Variants in ZNF510 observed in about 807,000 individuals in gnomAD.
ZNF510 encodes the protein zinc finger protein 510.
Under a neutral mutation model 18.1 loss-of-function variants are expected in ZNF510, and 15 were observed. The observed-to-expected ratio is 0.83, with a 90% CI of 0.55 to 1.28. The LOEUF is 1.28. Ranked by LOEUF, ZNF510 falls within the 50% of genes most tolerant of loss-of-function variation. The pLI is 0.00. For missense variants in ZNF510, 724 were observed against 791.8 expected, an observed-to-expected ratio of 0.91 and a Z score of 1.03; for synonymous variants, 261 against 266.4, an observed-to-expected ratio of 0.98 and a Z score of 0.20.
At chr9:96,774,950 G>C in intron 2 of ZNF510, 104 bp from the exon 3 acceptor site, 1 of 927,342 alleles carries the variant, frequency 1.1e-6, no homozygotes, top group Non-Finnish European at 1.7e-6. Flanking sequence ...TACAAAAAAT[G>C]TTCCTTTGAC....
chr9:96,763,540 C>T lies in ZNF510; in HGVS notation c.222G>A (p.Val74=). 1 of 1,611,464 alleles carries T rather than the reference C, an allele frequency of 6.2e-7. No homozygotes were observed. The highest frequency in any genetic ancestry group is 8.5e-7 in the Non-Finnish European group (1 of 1,179,190). ...APVQKNLYRD[V]MLENYSNLVS... ...CGAGGTTGCTGTAGTTCTCCAGCATCACATCTCTGTACAGATTCTTCTGAA... is the reference window on the plus strand; with the variant it reads ...CGAGGTTGCTGTAGTTCTCCAGCATTACATCTCTGTACAGATTCTTCTGAA... The change falls in exon 4 of 6, where the codon GTG becomes GTA. Residue 74 remains valine (V), a synonymous_variant. Coordinates refer to ENST00000223428, the MANE Select transcript of ZNF510 (RefSeq NM_014930.3).
At position 96,757,873 on chromosome 9, in the gene ZNF510, GTGATC is replaced by G; in HGVS notation, c.*900_*904del. ...TACAAGCACTGTCATACCCTGACAG[GTGATC>G]TGATAACTAAAATGTCAAGTAAGTG... On this transcript the variant is annotated 3_prime_UTR_variant, in exon 6 of 6. Coordinates refer to ENST00000223428, the MANE Select transcript of ZNF510 (RefSeq NM_014930.3). 6.7e-6 allele frequency: 1 copy of G among 150,042 alleles called. No homozygotes were observed. The allele number at this position is 150,042 out of a possible 1,614,324, so 9.3% of individuals were successfully genotyped here.
At chr9:96,774,954 C>A in intron 2 of ZNF510, 108 bp from the exon 3 acceptor site, 1 of 835,750 alleles carries the variant, frequency 1.2e-6, no homozygotes, top group Non-Finnish European at 1.9e-6. Context: ...AAAAATGTTC[C>A]TTTGACCTTT....
chr9:96,768,101 A>G (rs1849512525), intron 3 of ZNF510, among the ~76,000 whole-genome samples: 1 of 152,194 alleles, frequency 6.6e-6, no homozygotes, highest in African/African-American at 2.4e-5. Flanking sequence ...CAATAATAAA[A>G]TGAAGAAAAC....
chr9:96,759,494 G>A lies in ZNF510; in HGVS notation c.1336C>T (p.His446Tyr). The change falls in exon 6 of 6, where the codon CAC (histidine) becomes TAC (tyrosine). Residue 446 changes from histidine (H) to tyrosine (Y), a missense_variant. Physicochemically the swap from His to Tyr is moderately conservative, Grantham distance 83 (BLOSUM62 2). Coordinates refer to ENST00000223428, the MANE Select transcript of ZNF510 (RefSeq NM_014930.3). The part of the protein sequence containing the change: ...ECGKTFSQKS[H>Y]LSTHQRIHTA... ...TGAATTCTCTGATGAGTACTGAGGT[G>A]TGACTTCTGGGAGAAAGTTTTTCCA... The A allele has an allele frequency of 2.5e-6, 4 of 1,613,840 alleles. 1 individual carries two copies. In the South Asian group the frequency reaches 3.3e-5, roughly 13 times the overall value.
At chr9:96,762,911 C>A in intron 5 of ZNF510, 1 of 459,648 alleles carries the variant, frequency 2.2e-6, no homozygotes, top group Non-Finnish European at 4.0e-6. Flanking sequence ...TGGTTGGTGG[C>A]TTGTCTTTTC....
At chr9:96,765,042 G>A (rs1849438624) in intron 3 of ZNF510, among the ~76,000 whole-genome samples, 1 of 152,126 alleles carries the variant, frequency 6.6e-6, no homozygotes, top group African/African-American at 2.4e-5. Context: ...GGACCTGGGA[G>A]GCGGAGGTTG....
At chr9:96,776,280 C>G (rs1162031724) in intron 1 of ZNF510, 35 bp from the exon 2 acceptor site, 3 of 925,964 alleles carry the variant, frequency 3.2e-6, no homozygotes, top group Non-Finnish European at 4.5e-6. Context: ...TCCAGAGAAG[C>G]TGGGGCTGAT....
In ZNF510 at chr9:96,774,854, T is replaced by C; in HGVS notation, c.71-8A>G. ...AGAACCGTAAAGGATAACCTGGGGG[T>C]GAGGAAGGAGTCATGAGAGATCTGG... On this transcript the variant is annotated splice_region_variant and splice_polypyrimidine_tract_variant and intron_variant, in intron 2 of 5. Coordinates refer to ENST00000223428, the MANE Select transcript of ZNF510 (RefSeq NM_014930.3). 1 of 1,613,018 alleles carries C rather than the reference T, an allele frequency of 6.2e-7. No individual in the cohort carries two copies.
At chr9:96,765,515 TTTTC>T (rs983185556) in intron 3 of ZNF510, among the ~76,000 whole-genome samples, 3 of 151,596 alleles carry the variant, frequency 2.0e-5, no homozygotes, top group East Asian at 1.9e-4. Flanking sequence ...TGATTTCACT[TTTTC>T]TTTTTTTTTT....
chr9:96,762,667 G>C (rs141209917), intron 5 of ZNF510, among the ~76,000 whole-genome samples: 1 of 152,202 alleles, frequency 6.6e-6, no homozygotes, highest in East Asian at 1.9e-4. Flanking sequence ...CTTCATATCT[G>C]TTATTTCACC....
At position 96,764,172 on chromosome 9, in the gene ZNF510, A is replaced by ACTTTT. The variant is rs146783770; in HGVS notation, c.130-545_130-541dup. On this transcript the variant is annotated intron_variant, in intron 3 of 5. Coordinates refer to ENST00000223428, the MANE Select transcript of ZNF510 (RefSeq NM_014930.3). ...TACTATAAATAGATACATTACTAAA[A>ACTTTT]CTTTTTTTTTATTCTTATTTTTGTA... Among the ~76,000 whole-genome samples the ACTTTT allele has an allele frequency of 9.3e-3, 1,391 of 149,860 alleles. 46 individuals are homozygous for ACTTTT. The East Asian group carries it at 0.1, about 11-fold the overall frequency.
chr9:96,777,359 G>GTGTT (rs1318099205), intron 1 of ZNF510, among the ~76,000 whole-genome samples: 4 of 152,190 alleles, frequency 2.6e-5, no homozygotes, highest in African/African-American at 9.6e-5. Flanking sequence ...GGGGAGTAAA[G>GTGTT]TGTTTATGTA....
chr9:96,757,727 T>C lies in ZNF510; in HGVS notation c.*1051A>G, dbSNP rs1000117587. The C allele has an allele frequency of 6.6e-6, 1 of 152,150 alleles. No individual in the cohort carries two copies. Among genetic ancestry groups the C allele is most frequent in the African/African-American group, 2.4e-5 (1 of 41,422 alleles). 9.4% of individuals were successfully genotyped at this position (152,150 alleles called of 1,614,324 possible). A position where few individuals can be genotyped will look rare whatever the true frequency, so the allele number is the denominator to read the frequency against. On this transcript the variant is annotated 3_prime_UTR_variant, in exon 6 of 6. Coordinates refer to ENST00000223428, the MANE Select transcript of ZNF510 (RefSeq NM_014930.3). ...CTACATATACACATGCCTATGATAG[T>C]TTAATCTCTTGCTGTGCCTAATTTA... is the stretch of plus-strand genomic sequence containing the variant.
chr9:96,762,644 A>G (rs1020382108), intron 5 of ZNF510, among the ~76,000 whole-genome samples: 1 of 152,212 alleles, frequency 6.6e-6, no homozygotes, highest in Non-Finnish European at 1.5e-5. Context: ...GCATTGCCAT[A>G]TTTGTAAACT....
chr9:96,775,860 C>G, intron 2 of ZNF510, 140 bp downstream of exon 2: 1 of 1,021,128 alleles, frequency 9.8e-7, no homozygotes. Flanking sequence ...AAAATGGGGG[C>G]TCTATGAGGA....
Position 96,760,276 on chromosome 9 carries a change from C to T in ZNF510, c.554G>A (p.Ser185Asn). 1 of 1,613,156 alleles carries T rather than the reference C, an allele frequency of 6.2e-7. No individual in the cohort carries two copies. Among genetic ancestry groups the T allele is most frequent in the Non-Finnish European group, 8.5e-7 (1 of 1,179,468 alleles). Residue 185 changes from serine to asparagine, a missense_variant, in exon 6 of 6, where the codon AGT becomes AAT. Physicochemically the swap from Ser to Asn is conservative, Grantham distance 46. Transcript: ENST00000223428. ...ATTATTAATGATAAATTCAGAAATA[C>T]TTTGCAAATTCACTTCCCATGAGTT... ...KCNSWEVNLQSISEFIINNRN... is the reference protein window; with the variant it reads ...KCNSWEVNLQNISEFIINNRN...
At position 96,758,799 on chromosome 9, in the gene ZNF510, C is replaced by A; in HGVS notation, c.2031G>T (p.Gln677His). The A allele has an allele frequency of 1.3e-6, 2 of 1,587,846 alleles. No individual in the cohort carries two copies. Among genetic ancestry groups the A allele is most frequent in the East Asian group, 2.2e-5 (1 of 44,522 alleles). Residue 677 changes from glutamine (Q) to histidine (H), a missense_variant, in exon 6 of 6, where the codon CAG becomes CAT. Gln to His is a conservative substitution (Grantham distance 24). Transcript: ENST00000223428. The stretch of plus-strand genomic sequence containing the variant: ...TACATCAATAGGGATTCCCCTCTCC[C>A]TGAATTTTCTGGTATAAGCTTAGGG... ...KSTLSLYQKI[Q>H]GEGNPY
chr9:96,770,201 C>T (rs1450832950), intron 3 of ZNF510, among the ~76,000 whole-genome samples: 1 of 152,070 alleles, frequency 6.6e-6, no homozygotes, highest in African/African-American at 2.4e-5. Flanking sequence ...TGTGGTATAT[C>T]CACACAATGG....
Sources: gnomAD v4.1 joint callset for allele counts (sites outside exome capture counted in the v4.1 genomes callset) on GRCh38, gnomAD v4.1.1 for gene constraint, MANE v1.5 for transcripts, NCBI Gene and HGNC (gene_info 2026-07-23, HGNC 2026-07-21) for gene names.